The following ASRGL1 variants were observed in gnomAD, a reference collection of about 807,000 sequenced individuals.
The protein encoded by ASRGL1 is isoaspartyl peptidase/L-asparaginase.
A neutral mutation model predicts 22.4 loss-of-function variants in ASRGL1; 16 were observed. The observed-to-expected ratio is 0.71, with a 90% CI of 0.48 to 1.08. The LOEUF is 1.08. Ranked by LOEUF, ASRGL1 falls within the 50% of genes least tolerant of loss-of-function variation. The pLI is 0.00. For synonymous variants in ASRGL1, 165 were observed against 159.3 expected (o/e 1.04, Z -0.27); for missense variants, 412 against 410.1 (o/e 1.00, Z -0.04).
intron 5 of ASRGL1, 113 bp downstream of exon 5, chr11:62,389,364 G>C: frequency 9.6e-7 from 1 of 1,042,472 alleles, no homozygotes; most frequent in Non-Finnish European, 1.5e-6. Flanking sequence ...TTCTGCTTTT[G>C]GTGCAGCTCC....
intron 4 of ASRGL1, chr11:62,371,196 C>A: frequency 8.0e-7 from 1 of 1,256,722 alleles, no homozygotes; most frequent in Non-Finnish European, 1.0e-6. Flanking sequence ...ACGGCACTGC[C>A]CACGCCAGGG....
Position 62,379,203 on chromosome 11 carries a change from C to T in ASRGL1, c.492-9930C>T, listed in dbSNP as rs113218864. ...TTGATACACTTCTGAGGAGTGCCTA[C>T]GCCGACAAGTCCTGTAACAGCCTTT... On this transcript the variant is annotated intron_variant, in intron 4 of 6. Transcript: ENST00000415229. Among the ~76,000 whole-genome samples, 1,486 of 152,280 alleles carry T rather than the reference C, an allele frequency of 9.8e-3. 33 individuals carry two copies. Among genetic ancestry groups the T allele is most frequent in the African/African-American group, 0.031 (1,291 of 41,536 alleles).
intron 2 of ASRGL1, among the ~76,000 whole-genome samples, chr11:62,344,889 G>A (rs1470378926): frequency 6.6e-6 from 1 of 151,954 alleles, no homozygotes; most frequent in Non-Finnish European, 1.5e-5. Flanking sequence ...CCCAGCCTCT[G>A]CTAACCATCT....
chr11:62,397,091 G>A (rs1050099070), downstream of ASRGL1, among the ~76,000 whole-genome samples: 9 of 152,026 alleles, frequency 5.9e-5, no homozygotes, highest in Admixed American at 2.0e-4. Flanking sequence ...GTGCAGTGGC[G>A]CGATCTTGGC....
chr11:62,392,588 A>G lies in ASRGL1; in HGVS notation c.*304A>G. On this transcript the variant is annotated 3_prime_UTR_variant, in exon 7 of 7. Coordinates refer to ENST00000415229, the MANE Select transcript of ASRGL1 (RefSeq NM_001083926.2). Reference sequence around the variant, plus strand: ...TGTATCAAAAAAAAAAAAAAAAAGAAAAGGGAAAAAAGAAAGAAAGCAGCA... The same window carrying G: ...TGTATCAAAAAAAAAAAAAAAAAGAGAAGGGAAAAAAGAAAGAAAGCAGCA... 7.6e-6 allele frequency: 3 copies of G among 395,338 alleles called. No individual in the cohort carries two copies. Among genetic ancestry groups the G allele is most frequent in the South Asian group, 5.3e-5 (2 of 37,924 alleles). The allele number at this position is 395,338 out of a possible 1,614,324, so 24.5% of individuals were successfully genotyped here.
chr11:62,375,830 G>A (rs1353007438), intron 4 of ASRGL1, among the ~76,000 whole-genome samples: 2 of 151,834 alleles, frequency 1.3e-5, no homozygotes, highest in Admixed American at 6.6e-5. Context: ...AGCTGCAAGC[G>A]GCCAGGCATG....
intron 5 of ASRGL1, among the ~76,000 whole-genome samples, chr11:62,390,111 C>T (rs1590763051): frequency 6.6e-6 from 1 of 152,200 alleles, no homozygotes. Context: ...GTCTACCTTT[C>T]TTTCTCCTTG....
downstream of ASRGL1, among the ~76,000 whole-genome samples, chr11:62,394,367 T>G (rs2134712317): frequency 6.9e-6 from 1 of 143,890 alleles, no homozygotes; most frequent in Non-Finnish European, 1.5e-5. Flanking sequence ...ATGTAAATTA[T>G]AATATTAGAT....
rs1293295012 is a variant in ASRGL1 at position 62,389,255 on chromosome 11, G to A, written c.610+4G>A. 1.2e-6 allele frequency: 2 copies of A among 1,610,668 alleles called. No individual in the cohort carries two copies. The highest frequency in any genetic ancestry group is 1.7e-5 in the Admixed American group (1 of 60,000). Reference sequence around the variant, plus strand: ...GTTGGGGACTCACCGTGTCTAGGTAGGACCAAGGGATGCCTCCTGCCCCTT... The same window carrying A: ...GTTGGGGACTCACCGTGTCTAGGTAAGACCAAGGGATGCCTCCTGCCCCTT... On this transcript the variant is annotated splice_donor_region_variant and intron_variant, in intron 5 of 6. Transcript: ENST00000415229.
At chr11:62,380,343 A>G (rs1361883987) in intron 4 of ASRGL1, among the ~76,000 whole-genome samples, 1 of 152,090 alleles carries the variant, frequency 6.6e-6, no homozygotes, top group East Asian at 1.9e-4. Flanking sequence ...GAGCCTTGCC[A>G]CAAAATCAGG....
chr11:62,370,322 T>C (rs762708908), intron 4 of ASRGL1, among the ~76,000 whole-genome samples: 2 of 152,170 alleles, frequency 1.3e-5, no homozygotes, highest in Non-Finnish European at 2.9e-5. Context: ...TTAATAACTA[T>C]ATTTCCTAAC....
intron 5 of ASRGL1, chr11:62,389,667 G>A (rs1947295873): frequency 1.5e-5 from 5 of 328,578 alleles, no homozygotes; most frequent in South Asian, 1.3e-4. Flanking sequence ...TGTTAGATCT[G>A]AGCAGCATGA....
intron 4 of ASRGL1, among the ~76,000 whole-genome samples, chr11:62,379,319 A>G (rs190756524): frequency 9.3e-4 from 141 of 152,300 alleles, no homozygotes; most frequent in African/African-American, 2.6e-3. Context: ...TTTTCCTTGA[A>G]TAATGGCCTT....
intron 4 of ASRGL1, among the ~76,000 whole-genome samples, chr11:62,368,328 A>G (rs1479822399): frequency 6.6e-6 from 1 of 152,130 alleles, no homozygotes; most frequent in African/African-American, 2.4e-5. Flanking sequence ...TCCCCTTCAA[A>G]TAAGGGGGGA....
chr11:62,383,916 A>AC (rs1227247313), intron 4 of ASRGL1, among the ~76,000 whole-genome samples: 2 of 151,212 alleles, frequency 1.3e-5, no homozygotes, highest in African/African-American at 4.9e-5. Flanking sequence ...TTGGTCTCAA[A>AC]AAAAAAAAAA....
At chr11:62,382,600 C>T (rs1454305866) in intron 4 of ASRGL1, 1 of 151,868 alleles carries the variant, frequency 6.6e-6, no homozygotes, top group Non-Finnish European at 1.5e-5. Flanking sequence ...TTCCTCTTAT[C>T]ACAACTGCAA....
At chr11:62,367,729 G>C (rs1946649628) in intron 4 of ASRGL1, among the ~76,000 whole-genome samples, 1 of 151,872 alleles carries the variant, frequency 6.6e-6, no homozygotes, top group Non-Finnish European at 1.5e-5. Context: ...GGATCACAAG[G>C]TCAGGAGTTC....
intron 4 of ASRGL1, among the ~76,000 whole-genome samples, chr11:62,379,444 G>A (rs1199127541): frequency 2.6e-5 from 4 of 152,136 alleles, no homozygotes; most frequent in Non-Finnish European, 5.9e-5. Context: ...CTTAATATAA[G>A]GCAGGAGTAA....
intron 4 of ASRGL1, among the ~76,000 whole-genome samples, chr11:62,369,035 A>T (rs986365668): frequency 1.3e-5 from 2 of 152,088 alleles, no homozygotes. Context: ...CAGACCCTTT[A>T]CGGGTGTCAG....
Sources: gnomAD v4.1 joint callset for allele counts (sites outside exome capture counted in the v4.1 genomes callset) on GRCh38, gnomAD v4.1.1 for gene constraint, MANE v1.5 for transcripts, NCBI Gene and HGNC (gene_info 2026-07-23, HGNC 2026-07-21) for gene names.